The following TNKS variants were observed in gnomAD, a reference collection of about 807,000 sequenced individuals.
The protein encoded by TNKS is tankyrase.
TNKS carries 72 observed loss-of-function variants against 135.8 expected under a neutral mutation model. The observed-to-expected ratio is 0.53, with a 90% CI of 0.44 to 0.64. TNKS has a LOEUF of 0.64. Among genes scored for constraint, TNKS ranks in the 30% least tolerant of loss-of-function variants. The probability of loss-of-function intolerance (pLI) is 0.00; values close to 1 mark genes in which losing one functional copy is unlikely to be tolerated. For synonymous variants in TNKS, 849 were observed against 649.3 expected (o/e 1.31, Z -4.68); for missense variants, 1,769 against 1,674.0 (o/e 1.06, Z -0.99).
chr8:9,754,843 C>T (rs907592054), intron 20 of TNKS, among the ~76,000 whole-genome samples: 4 of 152,060 alleles, frequency 2.6e-5, no homozygotes, highest in Admixed American at 6.6e-5. Context: ...TTTTCTTTTC[C>T]AACCATTTAT....
At chr8:9,593,742 A>G (rs1324793446) in intron 2 of TNKS, among the ~76,000 whole-genome samples, 1 of 152,118 alleles carries the variant, frequency 6.6e-6, no homozygotes, top group Non-Finnish European at 1.5e-5. Flanking sequence ...GACCACTTCC[A>G]TGGTTACTTG....
At chr8:9,776,597 T>C in intron 26 of TNKS, 53 bp from the exon 27 acceptor site, 1 of 1,549,460 alleles carries the variant, frequency 6.5e-7, no homozygotes, top group Non-Finnish European at 8.9e-7. Flanking sequence ...CGGCAAGGCT[T>C]TAATATTGTG....
chr8:9,584,748 C>T (rs940132004), intron 2 of TNKS, among the ~76,000 whole-genome samples: 3 of 152,196 alleles, frequency 2.0e-5, no homozygotes, highest in African/African-American at 4.8e-5. Flanking sequence ...GTATACCACA[C>T]CTCCATCTCT....
At chr8:9,636,272 G>A (rs1242494043) in intron 3 of TNKS, among the ~76,000 whole-genome samples, 1 of 152,108 alleles carries the variant, frequency 6.6e-6, no homozygotes, top group South Asian at 2.1e-4. Flanking sequence ...GTTATTTCAA[G>A]TAAAATGTTA....
Position 9,781,122 on chromosome 8 carries a change from G to A in TNKS, c.*4386G>A, listed in dbSNP as rs1161166108. The A allele has an allele frequency of 2.6e-5, 4 of 152,222 alleles. No homozygotes were observed. Among genetic ancestry groups the A allele is most frequent in the African/African-American group, 9.6e-5 (4 of 41,464 alleles). 9.4% of individuals were successfully genotyped at this position (152,222 alleles called of 1,614,324 possible). A position where few individuals can be genotyped will look rare whatever the true frequency, so the allele number is the denominator to read the frequency against. On this transcript the variant is annotated 3_prime_UTR_variant, in exon 27 of 27. Transcript: ENST00000310430. Reference sequence around the variant, plus strand: ...GTATGACGAGTTTTATACATTGCCAGAGAGTTCTGCCTCCTCTGAAATAAC... The same window carrying A: ...GTATGACGAGTTTTATACATTGCCAAAGAGTTCTGCCTCCTCTGAAATAAC...
chr8:9,558,448 C>T lies in TNKS; in HGVS notation c.673+1836C>T, dbSNP rs529120588. 6.6e-5 allele frequency: 10 copies of T among 152,286 alleles called. No individual in the cohort carries two copies. In the South Asian group the frequency reaches 2.1e-3, roughly 32 times the overall value. 9.4% of individuals were successfully genotyped at this position (152,286 alleles called of 1,614,324 possible). ...GCCTAAGTCTGATTTTATTAATCAA[C>T]AGAGGTGTCTACTTTTGCATACTTT... On this transcript the variant is annotated intron_variant, in intron 1 of 26. Transcript: ENST00000310430.
intron 1 of TNKS, chr8:9,575,155 C>T (rs1563394199): frequency 4.9e-6 from 4 of 811,408 alleles, no homozygotes; most frequent in South Asian, 5.6e-5. Context: ...GGCGCGATCT[C>T]GGCTCATTGC....
At chr8:9,683,545 A>G (rs1802868469) in intron 5 of TNKS, among the ~76,000 whole-genome samples, 1 of 151,948 alleles carries the variant, frequency 6.6e-6, no homozygotes, top group South Asian at 2.1e-4. Context: ...AGTTTTTACT[A>G]CAGTTCCTGG....
chr8:9,729,150 G>A (rs933641327), intron 13 of TNKS, among the ~76,000 whole-genome samples: 2 of 152,126 alleles, frequency 1.3e-5, no homozygotes, highest in African/African-American at 4.8e-5. Flanking sequence ...AGGGCAAAAC[G>A]GCCAAATGCT....
At chr8:9,766,483 CTTTTTTTTT>C (rs61212620) in intron 25 of TNKS, 58 bp downstream of exon 25, 13 of 890,734 alleles carry the variant, frequency 1.5e-5, no homozygotes, top group Middle Eastern at 3.3e-4. Context: ...ACCAAATTGT[CTTTTTTTTT>C]TTTTTTTTTT....
At chr8:9,633,554 G>A (rs975073069) in intron 3 of TNKS, among the ~76,000 whole-genome samples, 2 of 152,162 alleles carry the variant, frequency 1.3e-5, no homozygotes, top group Non-Finnish European at 2.9e-5. Context: ...TAGTATTCAC[G>A]TTTGTATAGT....
intron 1 of TNKS, among the ~76,000 whole-genome samples, chr8:9,568,665 C>T (rs1258870475): frequency 6.6e-6 from 1 of 152,180 alleles, no homozygotes; most frequent in Non-Finnish European, 1.5e-5. Context: ...ATAGCTAATT[C>T]TCATCTGCTT....
At chr8:9,599,188 C>G (rs958695029) in intron 2 of TNKS, among the ~76,000 whole-genome samples, 14 of 152,108 alleles carry the variant, frequency 9.2e-5, no homozygotes, top group Non-Finnish European at 1.8e-4. Flanking sequence ...AGGTGTGGCA[C>G]AAATGAATTC....
chr8:9,672,654 TA>T (rs746763150), intron 3 of TNKS, among the ~76,000 whole-genome samples: 945 of 42,796 alleles, frequency 0.022, 6 homozygotes, highest in African/African-American at 0.034. Context: ...ACTGTGATGG[TA>T]AAAAAAAAAA....
At chr8:9,563,948 T>G (rs979596507) in intron 1 of TNKS, among the ~76,000 whole-genome samples, 1 of 152,178 alleles carries the variant, frequency 6.6e-6, no homozygotes, top group African/African-American at 2.4e-5. Flanking sequence ...ATAGTTAAGG[T>G]AATCCCCCCT....
Position 9,752,571 on chromosome 8 carries a change from A to G in TNKS, c.3098A>G (p.Gln1033Arg). ...GCTGGTCTTGACATGAATATCAGCC[A>G]ATTTCTAAAAAGCCTTGGCCTTGAA... The part of the protein sequence containing the change: ...EVAGLDMNIS[Q>R]FLKSLGLEHL... The change falls in exon 20 of 27, where the codon CAA becomes CGA. Residue 1033 changes from glutamine (Q) to arginine (R), a missense_variant. Around this residue, in one of 5 missense-constraint regions of TNKS, gnomAD observed 722 missense variants for 688.9 expected, o/e 1.05. Transcript: ENST00000310430. 1.2e-6 allele frequency: 2 copies of G among 1,613,274 alleles called. No individual in the cohort carries two copies. Among genetic ancestry groups the G allele is most frequent in the Non-Finnish European group, 1.7e-6 (2 of 1,179,604 alleles).
chr8:9,624,592 T>C (rs528622492), intron 3 of TNKS, among the ~76,000 whole-genome samples: 65 of 152,338 alleles, frequency 4.3e-4, no homozygotes, highest in African/African-American at 1.4e-3. Flanking sequence ...GACATTTCTG[T>C]CATAGAAATA....
chr8:9,775,089 T>C (rs1397988096), intron 26 of TNKS, among the ~76,000 whole-genome samples: 1 of 152,160 alleles, frequency 6.6e-6, no homozygotes, highest in African/African-American at 2.4e-5. Context: ...AATAGTTTTC[T>C]TGACCATTAA....
chr8:9,615,344 G>C, intron 2 of TNKS: 1 of 318,746 alleles, frequency 3.1e-6, no homozygotes, highest in Non-Finnish European at 5.7e-6. Flanking sequence ...GATTTTTCTA[G>C]TTTCATGTTT....
Sources: allele counts gnomAD v4.1 joint callset (sites outside exome capture counted in the v4.1 genomes callset), GRCh38; gene constraint gnomAD v4.1.1; regional missense constraint gnomAD v4.1.1; transcripts MANE v1.5; gene names NCBI Gene and HGNC (gene_info 2026-07-23, HGNC 2026-07-21).